Variants in TTLL5 observed in about 807,000 individuals in gnomAD.
TTLL5 encodes tubulin polyglutamylase TTLL5.
Under a neutral mutation model 168.4 loss-of-function variants are expected in TTLL5, and 132 were observed. The observed-to-expected ratio is 0.78, with a 90% CI of 0.68 to 0.91. The LOEUF is 0.91. Among genes scored for constraint, TTLL5 ranks in the 40% least tolerant of loss-of-function variants. The pLI is 0.00. For synonymous variants in TTLL5, 546 were observed against 558.6 expected (o/e 0.98, Z 0.32); for missense variants, 1,545 against 1,581.5 (o/e 0.98, Z 0.39).
intron 20 of TTLL5, among the ~76,000 whole-genome samples, chr14:75,768,426 C>T (rs879383855): frequency 1.3e-5 from 2 of 151,736 alleles, no homozygotes; most frequent in Non-Finnish European, 2.9e-5. Context: ...AACTAACTGT[C>T]TAAGGGTTTG....
chr14:75,929,996 TA>T (rs1294489198), intron 31 of TTLL5, among the ~76,000 whole-genome samples: 1 of 152,212 alleles, frequency 6.6e-6, no homozygotes, highest in African/African-American at 2.4e-5. Context: ...ACTTCTAATT[TA>T]AAAAACTGAA....
At chr14:75,764,512 C>A in intron 18 of TTLL5, 103 bp from the exon 19 acceptor site, 1 of 1,365,902 alleles carries the variant, frequency 7.3e-7, no homozygotes, top group Non-Finnish European at 1.0e-6. Context: ...ACTTGAGTTA[C>A]CATGTCCAGT....
chr14:75,825,028 G>A (rs746835374), intron 28 of TTLL5, among the ~76,000 whole-genome samples: 7 of 152,188 alleles, frequency 4.6e-5, no homozygotes, highest in Non-Finnish European at 8.8e-5. Context: ...CCTTGGGCAA[G>A]TTGCTTAGCT....
intron 28 of TTLL5, among the ~76,000 whole-genome samples, chr14:75,830,482 T>C (rs1382921396): frequency 1.3e-5 from 2 of 152,240 alleles, no homozygotes; most frequent in Non-Finnish European, 2.9e-5. Context: ...AAGCATGTGT[T>C]AATTAGCTCA....
At chr14:75,848,424 A>G (rs1896671860) in intron 28 of TTLL5, among the ~76,000 whole-genome samples, 1 of 152,078 alleles carries the variant, frequency 6.6e-6, no homozygotes, top group South Asian at 2.1e-4. Context: ...AAGCTAGGTG[A>G]TGGCGGTCCA....
chr14:75,873,561 G>A (rs969766701), intron 29 of TTLL5, among the ~76,000 whole-genome samples: 4 of 152,058 alleles, frequency 2.6e-5, no homozygotes, highest in South Asian at 2.1e-4. Context: ...ATTCATCCAC[G>A]TTGTAGCGTA....
At chr14:75,761,828 CT>C (rs768158912) in intron 18 of TTLL5, among the ~76,000 whole-genome samples, 2 of 152,144 alleles carry the variant, frequency 1.3e-5, no homozygotes, top group Non-Finnish European at 1.5e-5. Flanking sequence ...CTGTATGTAA[CT>C]TTTAGCTTAC....
rs370141334 is a variant in TTLL5, at chr14:75,714,700, T to C, written c.741-3161T>C. Among the ~76,000 whole-genome samples the C allele has an allele frequency of 2.2e-4, 33 of 152,336 alleles. No individual in the cohort carries two copies. The South Asian group carries it at 6.6e-3, about 31-fold the overall frequency. Reference sequence around the variant, plus strand: ...GTGTCCTTTTGACATGTCTTTATCATTCTTTGAGCACAAGATGTTTCAGGC... The same window carrying C: ...GTGTCCTTTTGACATGTCTTTATCACTCTTTGAGCACAAGATGTTTCAGGC... On this transcript the variant is annotated intron_variant, in intron 9 of 31. Coordinates refer to ENST00000298832, the MANE Select transcript of TTLL5 (RefSeq NM_015072.5).
intron 26 of TTLL5, among the ~76,000 whole-genome samples, chr14:75,785,444 G>A (rs1011880550): frequency 2.6e-5 from 4 of 152,144 alleles, no homozygotes; most frequent in Non-Finnish European, 5.9e-5. Flanking sequence ...TCCCCAAAGT[G>A]CTGGGATTAC....
Position 75,720,688 on chromosome 14 carries a change from C to T in TTLL5, c.1027C>T (p.Arg343Cys), listed in dbSNP as rs534989089. ...ATACKTFVPH[R>C]SSCFELYGFD... ...TGCCTGTAAAACCTTTGTTCCTCAT[C>T]GCAGCAGTTGTTTTGGTAAGGAGAC... The change falls in exon 12 of 32, where the codon CGC (arginine) becomes TGC (cysteine). Residue 343 changes from arginine (R) to cysteine (C), a missense_variant. Physicochemically the swap from Arg to Cys is radical, Grantham distance 180. Coordinates refer to ENST00000298832, the MANE Select transcript of TTLL5 (RefSeq NM_015072.5). 58 of 1,613,356 alleles carry T rather than the reference C, an allele frequency of 3.6e-5. No individual in the cohort carries two copies. The South Asian group carries it at 4.4e-4, about 12-fold the overall frequency.
At chr14:75,773,921 T>TAGAGAGAGAGAG (rs1427081103) in intron 21 of TTLL5, among the ~76,000 whole-genome samples, 2 of 28,262 alleles carry the variant, frequency 7.1e-5, no homozygotes, top group African/African-American at 1.4e-4. Context: ...TATATATATA[T>TAGAGAGAGAGAG]ATATATAGAG....
At chr14:75,907,054 G>A (rs767826637) in intron 31 of TTLL5, among the ~76,000 whole-genome samples, 1 of 152,196 alleles carries the variant, frequency 6.6e-6, no homozygotes, top group Non-Finnish European at 1.5e-5. Flanking sequence ...AGTTGCAGTA[G>A]TTGCAAAAGA....
chr14:75,954,562 T>C lies in TTLL5; in HGVS notation c.*116T>C. ...TATTTTTTTTTTTGCTGCCTCAAAG[T>C]CCCCAAAGCCTTCGAGCAGAAGTGG... On this transcript the variant is annotated 3_prime_UTR_variant, in exon 32 of 32. Transcript: ENST00000298832. The C allele has an allele frequency of 8.5e-7, 1 of 1,179,870 alleles. No individual in the cohort carries two copies. The highest frequency in any genetic ancestry group is 1.2e-6 in the Non-Finnish European group (1 of 810,646). 73.1% of individuals were successfully genotyped at this position (1,179,870 alleles called of 1,614,324 possible). A position where few individuals can be genotyped will look rare whatever the true frequency, so the allele number is the denominator to read the frequency against.
intron 15 of TTLL5, chr14:75,737,658 A>C (rs1888993138): frequency 6.0e-6 from 9 of 1,508,710 alleles, no homozygotes; most frequent in Non-Finnish European, 8.0e-6. Flanking sequence ...TTCATTCTCC[A>C]AATGGAAAGT....
chr14:75,847,264 A>G (rs1299475440), intron 28 of TTLL5, among the ~76,000 whole-genome samples: 1 of 151,918 alleles, frequency 6.6e-6, no homozygotes. Flanking sequence ...CGGCCTTCCA[A>G]AGTTCTGGGA....
intron 5 of TTLL5, chr14:75,684,292 C>T (rs1884862516): frequency 6.6e-6 from 1 of 152,092 alleles, no homozygotes; most frequent in South Asian, 2.1e-4. Context: ...ACTGTTTTTT[C>T]ACTTTTATTA....
intron 15 of TTLL5, among the ~76,000 whole-genome samples, chr14:75,740,537 G>A (rs1889193063): frequency 6.6e-6 from 1 of 152,092 alleles, no homozygotes; most frequent in Admixed American, 6.5e-5. Context: ...ATAACAGGAT[G>A]CATGTCTCTC....
intron 15 of TTLL5, among the ~76,000 whole-genome samples, chr14:75,740,854 G>T (rs1186282566): frequency 6.6e-6 from 1 of 152,102 alleles, no homozygotes; most frequent in Admixed American, 6.5e-5. Flanking sequence ...TTTTAATGAA[G>T]AATTCCAAAC....
At chr14:75,833,292 T>G (rs536388014) in intron 28 of TTLL5, among the ~76,000 whole-genome samples, 1 of 152,308 alleles carries the variant, frequency 6.6e-6, no homozygotes, top group East Asian at 1.9e-4. Flanking sequence ...TCGGTACATC[T>G]TCACCCTCCT....
Sources: allele counts gnomAD v4.1 joint callset (sites outside exome capture counted in the v4.1 genomes callset), GRCh38; gene constraint gnomAD v4.1.1; transcripts MANE v1.5; gene names NCBI Gene and HGNC (gene_info 2026-07-23, HGNC 2026-07-21).